FYB2: variants seen among roughly 807,000 people sequenced by gnomAD.
FYB2 encodes the protein FYN binding protein 2.
In FYB2, 103 loss-of-function variants were observed where a neutral mutation model predicts 94.1. The ratio of observed to expected loss-of-function variants is 1.09; its 90% CI spans 0.93 to 1.29. The LOEUF (loss-of-function observed/expected upper bound fraction) is 1.29, where lower values mean the gene tolerates loss of function less well. Ranked by LOEUF, FYB2 falls within the 50% of genes most tolerant of loss-of-function variation. The pLI, the probability that FYB2 is intolerant of heterozygous loss-of-function variation, is 0.00. For missense variants in FYB2, 896 were observed against 841.5 expected, an observed-to-expected ratio of 1.06 and a Z score of -0.80; for synonymous variants, 293 against 287.9, an observed-to-expected ratio of 1.02 and a Z score of -0.18.
chr1:56,810,278 T>C (rs1646736713), intron 1 of FYB2, among the ~76,000 whole-genome samples: 1 of 152,180 alleles, frequency 6.6e-6, no homozygotes, highest in Non-Finnish European at 1.5e-5. Flanking sequence ...CTCCTTCTTC[T>C]GCACTCACGG....
In FYB2 at chr1:56,753,830, C is replaced by T; in HGVS notation, c.1227+9G>A. The T allele has an allele frequency of 6.3e-7, 1 of 1,582,658 alleles. No homozygotes were observed. The highest frequency in any genetic ancestry group is 8.7e-7 in the Non-Finnish European group (1 of 1,151,998). On this transcript the variant is annotated intron_variant, in intron 8 of 19. Coordinates refer to ENST00000343433, the MANE Select transcript of FYB2 (RefSeq NM_001004303.5). The stretch of plus-strand genomic sequence containing the variant: ...TGTCTAAACTGCAGGAACCGTAGAA[C>T]ATAGGTACCTTGAAAACATGGTTTG...
At chr1:56,725,337 G>T (rs1008678035) in intron 16 of FYB2, among the ~76,000 whole-genome samples, 9 of 151,962 alleles carry the variant, frequency 5.9e-5, no homozygotes, top group Non-Finnish European at 1.5e-5. Context: ...ATACATTATG[G>T]TAGAAATCAT....
chr1:56,725,167 C>G (rs1187653153), intron 16 of FYB2, among the ~76,000 whole-genome samples: 1 of 152,040 alleles, frequency 6.6e-6, no homozygotes, highest in African/African-American at 2.4e-5. Context: ...AAATAAACCT[C>G]TTTTCTTTAT....
chr1:56,792,875 C>T lies in FYB2; in HGVS notation c.10-72G>A. ...AAACAACAACAACAAAAACAAGTGT[C>T]TCATTATTCCAAGAAAAAAAGTCAG... On this transcript the variant is annotated intron_variant, in intron 1 of 19. Transcript: ENST00000343433. 4.8e-6 allele frequency: 7 copies of T among 1,443,582 alleles called. No individual in the cohort carries two copies. The South Asian group carries it at 8.0e-5, about 17-fold the overall frequency. The allele number at this position is 1,443,582 out of a possible 1,614,324, so 89.4% of individuals were successfully genotyped here.
intron 17 of FYB2, 42 bp downstream of exon 17, chr1:56,723,546 G>T (rs1644527610): frequency 8.5e-7 from 1 of 1,175,200 alleles, no homozygotes; most frequent in Non-Finnish European, 1.2e-6. Flanking sequence ...AAAGCTCCTA[G>T]CTGTTAATAT....
chr1:56,808,532 T>C (rs1311741342), intron 1 of FYB2, among the ~76,000 whole-genome samples: 2 of 152,118 alleles, frequency 1.3e-5, no homozygotes, highest in Admixed American at 1.3e-4. Flanking sequence ...CAGCAGCAAT[T>C]AGTTACACAC....
chr1:56,823,333 A>G (rs548666994), upstream of FYB2, among the ~76,000 whole-genome samples: 26 of 152,324 alleles, frequency 1.7e-4, no homozygotes, highest in African/African-American at 4.8e-4. Context: ...ATATGAAATG[A>G]AGATAATAGC....
intron 9 of FYB2, among the ~76,000 whole-genome samples, chr1:56,746,004 G>A (rs1031626669): frequency 6.6e-6 from 1 of 151,738 alleles, no homozygotes; most frequent in East Asian, 1.9e-4. Flanking sequence ...TGAGGTTTTT[G>A]AAGTAATCTA....
intron 9 of FYB2, among the ~76,000 whole-genome samples, chr1:56,745,948 G>A (rs1360806268): frequency 6.6e-6 from 1 of 151,522 alleles, no homozygotes; most frequent in African/African-American, 2.4e-5. Context: ...CTCTTCCTAG[G>A]TCATTCATAT....
chr1:56,770,698 A>C (rs1260327818), intron 4 of FYB2, among the ~76,000 whole-genome samples: 1 of 152,194 alleles, frequency 6.6e-6, no homozygotes, highest in Non-Finnish European at 1.5e-5. Context: ...AGGGAGATAA[A>C]CGCTCTTCAC....
At chr1:56,749,654 G>T (rs1470652976) in intron 9 of FYB2, among the ~76,000 whole-genome samples, 1 of 151,882 alleles carries the variant, frequency 6.6e-6, no homozygotes, top group Non-Finnish European at 1.5e-5. Flanking sequence ...CTTGTAGGTT[G>T]GTTCTGCTAT....
At chr1:56,742,415 G>A (rs1360134331) in intron 11 of FYB2, among the ~76,000 whole-genome samples, 194 bp from the exon 12 acceptor site, 1 of 152,000 alleles carries the variant, frequency 6.6e-6, no homozygotes, top group Non-Finnish European at 1.5e-5. Context: ...ATAAAAGTAT[G>A]TATAAATGAA....
chr1:56,789,227 G>A (rs41309187), intron 2 of FYB2, 93 bp from the exon 3 acceptor site: 29,390 of 1,375,202 alleles, frequency 0.021, 387 homozygotes, highest in Middle Eastern at 0.053. Context: ...TCTAAGTCCC[G>A]TCCAATCTAT....
chr1:56,773,497 G>T (rs982221447), intron 4 of FYB2, among the ~76,000 whole-genome samples: 1 of 152,144 alleles, frequency 6.6e-6, no homozygotes, highest in Non-Finnish European at 1.5e-5. Flanking sequence ...CAGTCATTTA[G>T]GTTCTCAGAG....
intron 9 of FYB2, among the ~76,000 whole-genome samples, chr1:56,749,068 G>A (rs932273857): frequency 7.5e-6 from 1 of 133,602 alleles, no homozygotes; most frequent in African/African-American, 2.8e-5. Context: ...TTTTTTTTTT[G>A]TGGGTGATTG....
At position 56,718,909 on chromosome 1, in the gene FYB2, G is replaced by A. The variant is rs1369016716; in HGVS notation, c.*762C>T. ...TTTATTTAATTCCATATAAATGAAA[G>A]TACATATGAATGCTATTATTTGAAT... On this transcript the variant is annotated 3_prime_UTR_variant, in exon 20 of 20. Coordinates refer to ENST00000343433, the MANE Select transcript of FYB2 (RefSeq NM_001004303.5). 1.3e-5 allele frequency: 2 copies of A among 152,506 alleles called. No homozygotes were observed. The highest frequency in any genetic ancestry group is 2.9e-5 in the Non-Finnish European group (2 of 67,988). The allele number at this position is 152,506 out of a possible 1,614,324, so 9.4% of individuals were successfully genotyped here. A position where few individuals can be genotyped will look rare whatever the true frequency, so the allele number is the denominator to read the frequency against.
At chr1:56,787,551 A>G (rs1646161132) in intron 3 of FYB2, among the ~76,000 whole-genome samples, 1 of 152,228 alleles carries the variant, frequency 6.6e-6, no homozygotes, top group Admixed American at 6.5e-5. Context: ...GTTTGTTTCA[A>G]ATAAACTTGG....
At chr1:56,824,618 T>C (rs1369480087), upstream of FYB2, 1 of 152,256 alleles carries the variant, frequency 6.6e-6, no homozygotes, top group East Asian at 1.9e-4. Context: ...TTAAGGCAGG[T>C]ATGTGCACAT....
chr1:56,812,718 G>A (rs7539814), intron 1 of FYB2, among the ~76,000 whole-genome samples: 31 of 152,244 alleles, frequency 2.0e-4, no homozygotes, highest in Admixed American at 3.9e-4. Context: ...ATTTCTGTCC[G>A]TTTTCCATGC....
Sources: gnomAD v4.1 joint callset for allele counts (sites outside exome capture counted in the v4.1 genomes callset) on GRCh38, gnomAD v4.1.1 for gene constraint, MANE v1.5 for transcripts, NCBI Gene and HGNC (gene_info 2026-07-23, HGNC 2026-07-21) for gene names.